The following IFT81 variants were observed in gnomAD, a reference collection of about 807,000 sequenced individuals.
IFT81 encodes the protein intraflagellar transport protein 81 homolog.
A neutral mutation model predicts 102.6 loss-of-function variants in IFT81; 72 were observed. The observed-to-expected ratio is 0.70, with a 90% CI of 0.58 to 0.85. IFT81 has a LOEUF of 0.85. Among genes scored for constraint, IFT81 ranks in the 40% least tolerant of loss-of-function variants. The pLI is 0.00. For synonymous variants in IFT81, 237 were observed against 242.7 expected (o/e 0.98, Z 0.22); for missense variants, 723 against 787.3 (o/e 0.92, Z 0.98).
intron 13 of IFT81, 91 bp from the exon 14 acceptor site, chr12:110,192,526 A>G (rs1897842360): frequency 7.2e-6 from 5 of 692,576 alleles, no homozygotes; most frequent in South Asian, 3.9e-5. Context: ...TTGCTCTTAC[A>G]TTTAACACTG....
intron 8 of IFT81, 151 bp from the exon 9 acceptor site, chr12:110,143,231 C>A (rs1895000847): frequency 1.3e-5 from 4 of 318,404 alleles, no homozygotes; most frequent in South Asian, 2.9e-4. Flanking sequence ...TAAAATATTT[C>A]AATGGCCAAT....
intron 14 of IFT81, among the ~76,000 whole-genome samples, chr12:110,196,225 AAAACC>A (rs1179501206): frequency 1.3e-5 from 2 of 152,194 alleles, no homozygotes; most frequent in Non-Finnish European, 2.9e-5. Context: ...ATTACAGCAA[AAAACC>A]AAGACAGACC....
Position 110,143,470 on chromosome 12 carries a change from G to T in IFT81, c.870G>T (p.Lys290Asn). 1 of 1,550,286 alleles carries T rather than the reference G, an allele frequency of 6.5e-7. No individual in the cohort carries two copies. The highest frequency in any genetic ancestry group is 8.6e-7 in the Non-Finnish European group (1 of 1,159,094). ...KFPKELENKK[K>N]ELHFLQKVVS... ...CTAAAGAATTAGAAAATAAGAAAAA[G>T]GAATTACATTTTTTACAAAAAGTAG... The change falls in exon 9 of 19, where the codon AAG becomes AAT. Residue 290 changes from lysine to asparagine, a missense_variant. Transcript: ENST00000242591.
chr12:110,149,822 C>G (rs555172749), intron 10 of IFT81, among the ~76,000 whole-genome samples: 2 of 152,276 alleles, frequency 1.3e-5, no homozygotes, highest in South Asian at 4.1e-4. Flanking sequence ...CCGATCTCCT[C>G]TTGATGTCCG....
rs777436786 is a variant in IFT81 at position 110,180,545 on chromosome 12, C to T, written c.1312C>T (p.Arg438Cys). ...GAGGACTGAAGAACTTCTTAAGCAA[C>T]GTCATGAAAATATTCAACAACAACT... ...LQRTEELLKQ[R>C]HENIQQQLQT... Residue 438 changes from arginine (R) to cysteine (C), a missense_variant, in exon 12 of 19, where the codon CGT becomes TGT. By Grantham distance (180) the Arg-to-Cys change is radical. Coordinates refer to ENST00000242591, the MANE Select transcript of IFT81 (RefSeq NM_014055.4). 8.1e-6 allele frequency: 13 copies of T among 1,604,436 alleles called. No homozygotes were observed. Among genetic ancestry groups the T allele is most frequent in the South Asian group, 4.4e-5 (4 of 89,958 alleles).
At chr12:110,163,482 C>T (rs1896258837) in intron 11 of IFT81, among the ~76,000 whole-genome samples, 1 of 152,154 alleles carries the variant, frequency 6.6e-6, no homozygotes, top group Non-Finnish European at 1.5e-5. Context: ...CTTGGGTGAT[C>T]TGCCTGCCTT....
At chr12:110,207,556 CTTTTTTTTTTTTT>C (rs896586216) in intron 17 of IFT81, among the ~76,000 whole-genome samples, 7 of 97,188 alleles carry the variant, frequency 7.2e-5, no homozygotes, top group African/African-American at 2.8e-4. Context: ...GTCCTTCAGT[CTTTTTTTTTTTTT>C]TTTTTTTTTT....
intron 14 of IFT81, among the ~76,000 whole-genome samples, chr12:110,195,058 A>C (rs1897943284): frequency 6.6e-6 from 1 of 152,176 alleles, no homozygotes; most frequent in Non-Finnish European, 1.5e-5. Flanking sequence ...GCTGTGTCAT[A>C]TCATCTGAAA....
intron 14 of IFT81, 26 bp downstream of exon 14, chr12:110,192,732 T>C: frequency 8.0e-7 from 1 of 1,256,836 alleles, no homozygotes; most frequent in Non-Finnish European, 1.1e-6. Context: ...TATCAAGTAA[T>C]TTGATTTTAT....
chr12:110,205,386 C>T (rs1308025669), intron 15 of IFT81, 57 bp from the exon 16 acceptor site: 18 of 1,517,100 alleles, frequency 1.2e-5, no homozygotes, highest in Admixed American at 4.8e-5. Context: ...AAGTCATCGT[C>T]GCCATATCTG....
intron 6 of IFT81, 132 bp from the exon 7 acceptor site, chr12:110,135,195 G>C (rs1894410312): frequency 1.4e-6 from 1 of 711,266 alleles, no homozygotes; most frequent in Non-Finnish European, 2.4e-6. Flanking sequence ...CTGGAGCCTA[G>C]AGCTTTACTG....
chr12:110,182,795 A>G (rs1044405539), intron 12 of IFT81, among the ~76,000 whole-genome samples: 14 of 152,144 alleles, frequency 9.2e-5, no homozygotes, highest in African/African-American at 2.7e-4. Context: ...CAACCAGAGT[A>G]TCTATACCCA....
At chr12:110,192,374 A>G (rs1038217560) in intron 13 of IFT81, among the ~76,000 whole-genome samples, 2 of 152,188 alleles carry the variant, frequency 1.3e-5, no homozygotes, top group Non-Finnish European at 2.9e-5. Flanking sequence ...ATGTTAAATT[A>G]TAAAGATTTT....
intron 11 of IFT81, among the ~76,000 whole-genome samples, chr12:110,173,175 GC>G (rs1231871959): frequency 2.3e-4 from 33 of 145,086 alleles, no homozygotes; most frequent in Non-Finnish European, 4.7e-4. Flanking sequence ...GGGGGGGTCA[GC>G]CCCCCGCCCA....
chr12:110,206,640 G>A (rs975275773), intron 17 of IFT81, among the ~76,000 whole-genome samples: 18 of 148,786 alleles, frequency 1.2e-4, no homozygotes, highest in Non-Finnish European at 2.2e-4. Context: ...ATGCCACTGC[G>A]TTCCAGCCTG....
At chr12:110,158,166 G>T (rs1895946169) in intron 10 of IFT81, among the ~76,000 whole-genome samples, 1 of 152,076 alleles carries the variant, frequency 6.6e-6, no homozygotes, top group South Asian at 2.1e-4. Context: ...CACCTCCTGG[G>T]TTCATGCAAT....
At chr12:110,193,051 T>G (rs1408058784) in intron 14 of IFT81, among the ~76,000 whole-genome samples, 1 of 151,968 alleles carries the variant, frequency 6.6e-6, no homozygotes, top group Non-Finnish European at 1.5e-5. Context: ...TAGCCCCAGA[T>G]TCTCGGGATG....
chr12:110,142,587 T>TA (rs1323575136), intron 8 of IFT81, among the ~76,000 whole-genome samples: 1 of 152,106 alleles, frequency 6.6e-6, no homozygotes, highest in Non-Finnish European at 1.5e-5. Flanking sequence ...TAAATTGTTC[T>TA]GGGTACAGTG....
At position 110,173,174 on chromosome 12, in the gene IFT81, A is replaced by G. The variant is rs1896851396; in HGVS notation, c.1189-7248A>G. Among the ~76,000 whole-genome samples, 3 of 139,858 alleles carry G rather than the reference A, an allele frequency of 2.1e-5. 1 individual carries two copies. Among genetic ancestry groups the G allele is most frequent in the South Asian group, 4.7e-4 (2 of 4,266 alleles). 91.8% of individuals were successfully genotyped at this position (139,858 alleles called of 152,430 possible). On this transcript the variant is annotated intron_variant, in intron 11 of 18. Coordinates refer to ENST00000242591, the MANE Select transcript of IFT81 (RefSeq NM_014055.4). ...CGTCCAGGAGGGAGGTGGGGGGGTC[A>G]GCCCCCCGCCCAGCCAGCCGCCCCG...
Sources: allele counts gnomAD v4.1 joint callset (sites outside exome capture counted in the v4.1 genomes callset), GRCh38; gene constraint gnomAD v4.1.1; transcripts MANE v1.5; gene names NCBI Gene and HGNC (gene_info 2026-07-23, HGNC 2026-07-21).